The following LTB variants were observed in gnomAD, a reference collection of about 807,000 sequenced individuals.
LTB encodes the protein lymphotoxin-beta.
In LTB, 17 loss-of-function variants were observed where a neutral mutation model predicts 14.7. That is an observed-to-expected ratio of 1.16 (90% confidence interval 0.79 to 1.73). The LOEUF is 1.73. Ranked by LOEUF, LTB falls within the 40% of genes most tolerant of loss-of-function variation. The probability of loss-of-function intolerance (pLI) is 0.00; values close to 1 mark genes in which losing one functional copy is unlikely to be tolerated. For synonymous variants in LTB, 163 were observed against 157.3 expected, an observed-to-expected ratio of 1.04 and a Z score of -0.27; for missense variants, 288 against 324.3, an observed-to-expected ratio of 0.89 and a Z score of 0.86.
rs767445083 is a variant in LTB, at chr6:31,581,799, A to T, written c.208+15T>A. 1 of 1,612,212 alleles carries T rather than the reference A, an allele frequency of 6.2e-7. No individual in the cohort carries two copies. The highest frequency in any genetic ancestry group is 1.1e-5 in the South Asian group (1 of 90,968). On this transcript the variant is annotated intron_variant, in intron 2 of 3. Coordinates refer to ENST00000429299, the MANE Select transcript of LTB (RefSeq NM_002341.2). The stretch of plus-strand genomic sequence containing the variant: ...GAGGGTCTGAAGCGGGGAAGGAGAG[A>T]CAGTCTGCTCTTACCCAGTCCTTGC...
rs3093554 is a variant in LTB, at chr6:31,581,630, C to T, written c.209G>A (p.Gly70Glu). 1,527 of 1,612,828 alleles carry T rather than the reference C, an allele frequency of 9.5e-4. 16 individuals are homozygous for T. The African/African-American group carries it at 0.018, about 19-fold the overall frequency. ...CTCCTCCTCTGGCAGCTTCTGAAAC[C>T]CTGGAAGGGGCAAAGAGTCCACGAT... ...DPGAQAQQGL[G>E]FQKLPEEEPE... is the part of the protein sequence containing the mutation. The change falls in exon 3 of 4, where the codon GGG becomes GAG. Residue 70 changes from glycine to glutamate, a missense_variant and splice_region_variant. By Grantham distance (98) the Gly-to-Glu change is moderately conservative. This residue lies in a region of LTB where 284 missense variants were observed against 299.2 expected (regional missense o/e 0.95). Coordinates refer to ENST00000429299, the MANE Select transcript of LTB (RefSeq NM_002341.2).
In LTB at chr6:31,581,845, G is replaced by C. The variant is rs1351900891; in HGVS notation, c.177C>G (p.Ala59=). 11 of 1,597,448 alleles carry C rather than the reference G, an allele frequency of 6.9e-6. No individual in the cohort carries two copies. ...QDQGGLVTET[A]DPGAQAQQGL... is the part of the protein sequence containing the mutation. ...CTTGCTGGGCCTGTGCCCCGGGGTC[G>C]GCCGTCTCCGTTACCTGGTTGGGTG... The change falls in exon 2 of 4, where the codon GCC becomes GCG. Residue 59 remains alanine (A), a synonymous_variant. Coordinates refer to ENST00000429299, the MANE Select transcript of LTB (RefSeq NM_002341.2).
intron 1 of LTB, 187 bp downstream of exon 1, chr6:31,582,069 C>T: frequency 1.3e-6 from 1 of 788,652 alleles, no homozygotes. Context: ...ACACAAGGGG[C>T]TTATGTCGGG....
intron 2 of LTB, 79 bp from the exon 3 acceptor site, chr6:31,581,709 G>T: frequency 1.9e-6 from 3 of 1,595,090 alleles, no homozygotes; most frequent in Non-Finnish European, 2.6e-6. Flanking sequence ...AGGGCGCAGG[G>T]ATGGGGAGCC....
intron 1 of LTB, 27 bp downstream of exon 1, chr6:31,582,229 C>G: frequency 6.2e-7 from 1 of 1,611,096 alleles, no homozygotes; most frequent in Non-Finnish European, 8.5e-7. Context: ...ATACAACTCT[C>G]CACCAGGGCC....
chr6:31,581,488 A>G, intron 3 of LTB, 71 bp downstream of exon 3: 2 of 1,429,914 alleles, frequency 1.4e-6, no homozygotes, highest in Non-Finnish European at 2.0e-6. Flanking sequence ...ATGGAGCCGA[A>G]GGACTCTGGG....
At chr6:31,582,137 C>T in intron 1 of LTB, 119 bp downstream of exon 1, 3 of 1,200,484 alleles carry the variant, frequency 2.5e-6, no homozygotes, top group South Asian at 1.4e-5. Flanking sequence ...ACAAGACATC[C>T]CCACCAGGGA....
rs1366767390 is a variant in LTB, at chr6:31,581,809, C to T, written c.208+5G>A. On this transcript the variant is annotated splice_donor_5th_base_variant and intron_variant, in intron 2 of 3. Coordinates refer to ENST00000429299, the MANE Select transcript of LTB (RefSeq NM_002341.2). Reference sequence around the variant, plus strand: ...AGCGGGGAAGGAGAGACAGTCTGCTCTTACCCAGTCCTTGCTGGGCCTGTG... The same window carrying T: ...AGCGGGGAAGGAGAGACAGTCTGCTTTTACCCAGTCCTTGCTGGGCCTGTG... 3 of 1,611,308 alleles carry T rather than the reference C, an allele frequency of 1.9e-6. No individual in the cohort carries two copies. Among genetic ancestry groups the T allele is most frequent in the Non-Finnish European group, 2.5e-6 (3 of 1,179,250 alleles).
Sources: allele counts gnomAD v4.1 joint callset, GRCh38; gene constraint gnomAD v4.1.1; regional missense constraint gnomAD v4.1.1; transcripts MANE v1.5; gene names NCBI Gene and HGNC (gene_info 2026-07-23, HGNC 2026-07-21).